CAMSAP2: variants seen among roughly 807,000 people sequenced by gnomAD.
The protein encoded by CAMSAP2 is calmodulin regulated spectrin associated protein family member 2.
A neutral mutation model predicts 146.1 loss-of-function variants in CAMSAP2; 26 were observed. That is an observed-to-expected ratio of 0.18 (90% CI 0.13 to 0.25). The LOEUF (loss-of-function observed/expected upper bound fraction) is 0.25, where lower values mean the gene tolerates loss of function less well. Among genes scored for constraint, CAMSAP2 ranks in the 10% least tolerant of loss-of-function variants. CAMSAP2 has a pLI of 1.00. For missense variants in CAMSAP2, 1,381 were observed against 1,759.3 expected (o/e 0.78, Z 3.85); for synonymous variants, 499 against 596.6 (o/e 0.84, Z 2.38).
chr1:200,788,843 A>C (rs1213637198), intron 2 of CAMSAP2, among the ~76,000 whole-genome samples: 1 of 148,312 alleles, frequency 6.7e-6, no homozygotes, highest in Non-Finnish European at 1.5e-5. Flanking sequence ...GTAGAGACGG[A>C]GTTTCACTAT....
intron 3 of CAMSAP2, among the ~76,000 whole-genome samples, chr1:200,808,964 T>C (rs1213117723): frequency 6.6e-6 from 1 of 152,220 alleles, no homozygotes; most frequent in Non-Finnish European, 1.5e-5. Context: ...CTAACCTGCA[T>C]TTGCAGAGGC....
intron 1 of CAMSAP2, among the ~76,000 whole-genome samples, chr1:200,740,829 T>A (rs1322969045): frequency 1.3e-5 from 2 of 152,214 alleles, no homozygotes; most frequent in Non-Finnish European, 2.9e-5. Flanking sequence ...GCCCATGTTG[T>A]GAAATGTTAA....
chr1:200,834,674 G>A (rs947261665), intron 6 of CAMSAP2, among the ~76,000 whole-genome samples: 1 of 152,198 alleles, frequency 6.6e-6, no homozygotes, highest in African/African-American at 2.4e-5. Flanking sequence ...AGCACTTTGG[G>A]AGGACAAGGC....
chr1:200,838,636 G>A (rs894230653), intron 6 of CAMSAP2, among the ~76,000 whole-genome samples: 4 of 152,192 alleles, frequency 2.6e-5, no homozygotes, highest in African/African-American at 4.8e-5. Flanking sequence ...CTTGGAGAAT[G>A]TAGTAATAGA....
Position 200,739,953 on chromosome 1 carries a change from A to C in CAMSAP2, c.126A>C (p.Lys42Asn). ...IACNLAWLVAKAFGTENVPEE... is the reference protein window; with the variant it reads ...IACNLAWLVANAFGTENVPEE... ...GCAATCTGGCCTGGCTGGTGGCCAA[A>C]GCCTTTGGGACAGGTTAGTGGTGTC... is the stretch of plus-strand genomic sequence containing the variant. The change falls in exon 1 of 17, where the codon AAA (lysine) becomes AAC (asparagine). Residue 42 changes from lysine to asparagine, a missense_variant. Lys to Asn is a moderately conservative substitution (Grantham distance 94). Transcript: ENST00000358823. This position sits in a 1 kb window ranked among gnomAD's most constrained non-coding sequence, Gnocchi z 4.8. The C allele has an allele frequency of 2.5e-6, 4 of 1,614,018 alleles. No homozygotes were observed. Among genetic ancestry groups the C allele is most frequent in the Non-Finnish European group, 8.5e-7 (1 of 1,179,964 alleles).
chr1:200,802,041 T>A (rs1484778382), intron 2 of CAMSAP2, among the ~76,000 whole-genome samples: 1 of 152,222 alleles, frequency 6.6e-6, no homozygotes, highest in Admixed American at 6.5e-5. Context: ...TACAACTGTC[T>A]TGGTTTAAAA....
intron 4 of CAMSAP2, among the ~76,000 whole-genome samples, chr1:200,819,990 A>G (rs951255320): frequency 2.6e-5 from 4 of 152,190 alleles, no homozygotes; most frequent in African/African-American, 9.6e-5. Flanking sequence ...CAGTTTTGAA[A>G]GAGCTATGAA....
In CAMSAP2 at chr1:200,774,480, AT is replaced by A. The variant is rs78124253; in HGVS notation, c.399+13384del. ...TACTTGGAGGATTGTGAGAATACTG[AT>A]TATTGTTTTCCTGAAGCTAAAACTG... On this transcript the variant is annotated intron_variant, in intron 2 of 16. Transcript: ENST00000358823. 1.4e-4 allele frequency among the ~76,000 whole-genome samples: 21 copies of A among 152,300 alleles called. No individual in the cohort carries two copies. In the East Asian group the frequency reaches 3.9e-3, roughly 28 times the overall value.
intron 6 of CAMSAP2, among the ~76,000 whole-genome samples, chr1:200,835,309 A>C (rs1213658874): frequency 1.3e-4 from 20 of 152,244 alleles, no homozygotes; most frequent in Admixed American, 1.1e-3. Flanking sequence ...CAAAATGTAA[A>C]ATGGCAAAAT....
At chr1:200,845,952 A>G (rs774787734) in intron 8 of CAMSAP2, among the ~76,000 whole-genome samples, 4 of 152,186 alleles carry the variant, frequency 2.6e-5, no homozygotes, top group African/African-American at 4.8e-5. Context: ...TTGTTTAAAA[A>G]TGTATTTCAG....
intron 13 of CAMSAP2, among the ~76,000 whole-genome samples, chr1:200,854,580 AAGTT>A (rs1667703330): frequency 6.6e-6 from 1 of 152,190 alleles, no homozygotes; most frequent in Non-Finnish European, 1.5e-5. Context: ...TTTGGAACGC[AAGTT>A]AGTTTTATCA....
chr1:200,826,084 T>G (rs1666899112), intron 4 of CAMSAP2, among the ~76,000 whole-genome samples: 1 of 152,170 alleles, frequency 6.6e-6, no homozygotes, highest in Non-Finnish European at 1.5e-5. Flanking sequence ...CTTGTACCAT[T>G]TTATATTCCA....
chr1:200,761,027 A>G lies in CAMSAP2; in HGVS notation c.328A>G (p.Lys110Glu). ...HDAVIQALAQ[K>E]GLYVTDQEKL... ...TGCTGTAATCCAGGCTTTAGCACAG[A>G]AAGGTCTTTATGTCACTGACCAGGA... The change falls in exon 2 of 17, where the codon AAA (lysine) becomes GAA (glutamate). Residue 110 changes from lysine (K) to glutamate (E), a missense_variant. This residue lies in a region of CAMSAP2 where 284 missense variants were observed against 406.9 expected (regional missense o/e 0.70). Coordinates refer to ENST00000358823, the MANE Select transcript of CAMSAP2 (RefSeq NM_203459.4). 6.8e-6 allele frequency: 11 copies of G among 1,614,172 alleles called. No homozygotes were observed. The highest frequency in any genetic ancestry group is 9.3e-6 in the Non-Finnish European group (11 of 1,180,024).
At chr1:200,797,088 G>A (rs1446379404) in intron 2 of CAMSAP2, among the ~76,000 whole-genome samples, 2 of 152,030 alleles carry the variant, frequency 1.3e-5, no homozygotes, top group Non-Finnish European at 2.9e-5. Flanking sequence ...CATTTGGGTT[G>A]GTTCCAAGTC....
intron 10 of CAMSAP2, among the ~76,000 whole-genome samples, 156 bp downstream of exon 10, chr1:200,847,865 G>A (rs1667502392): frequency 1.3e-5 from 2 of 152,100 alleles, no homozygotes; most frequent in Admixed American, 1.3e-4. Context: ...ATGTAAAAGA[G>A]GCTAACTTTA....
At chr1:200,796,845 C>T (rs1445746198) in intron 2 of CAMSAP2, among the ~76,000 whole-genome samples, 2 of 151,822 alleles carry the variant, frequency 1.3e-5, no homozygotes, top group Non-Finnish European at 2.9e-5. Context: ...CAACAGTCCC[C>T]AGAGTGTGAT....
At chr1:200,754,175 A>C (rs1375683673) in intron 1 of CAMSAP2, among the ~76,000 whole-genome samples, 1 of 152,166 alleles carries the variant, frequency 6.6e-6, no homozygotes, top group South Asian at 2.1e-4. Flanking sequence ...TATGCCTGTT[A>C]TTTTATAGAA....
chr1:200,821,718 T>C (rs1666771041), intron 4 of CAMSAP2, among the ~76,000 whole-genome samples: 1 of 152,180 alleles, frequency 6.6e-6, no homozygotes, highest in Non-Finnish European at 1.5e-5. Context: ...ATAATTTACT[T>C]GCCCTTACAG....
chr1:200,858,192 A>T lies in CAMSAP2; in HGVS notation c.*133A>T, dbSNP rs1030419842. ...TGGACATTAAGCTCTGTTGTCATGAACAACTGGAATGTAAACCACAGTATT... is the reference window on the plus strand; with the variant it reads ...TGGACATTAAGCTCTGTTGTCATGATCAACTGGAATGTAAACCACAGTATT... On this transcript the variant is annotated 3_prime_UTR_variant, in exon 17 of 17. Transcript: ENST00000358823. 6.6e-6 allele frequency: 5 copies of T among 758,540 alleles called. No individual in the cohort carries two copies. Among genetic ancestry groups the T allele is most frequent in the Non-Finnish European group, 1.0e-5 (5 of 482,278 alleles). The allele number at this position is 758,540 out of a possible 1,614,324, so 47.0% of individuals were successfully genotyped here.
Sources: allele counts gnomAD v4.1 joint callset (sites outside exome capture counted in the v4.1 genomes callset), GRCh38; gene constraint gnomAD v4.1.1; regional missense constraint gnomAD v4.1.1; non-coding constraint Gnocchi (gnomAD v3.1); transcripts MANE v1.5; gene names NCBI Gene and HGNC (gene_info 2026-07-23, HGNC 2026-07-21).